Variants in ADAP1 observed in about 807,000 individuals in gnomAD.
ADAP1 encodes ArfGAP with dual PH domains 1.
ADAP1 carries 31 observed loss-of-function variants against 54.9 expected under a neutral mutation model. That is an observed-to-expected ratio of 0.56 (90% confidence interval 0.42 to 0.76). The LOEUF is 0.76. ADAP1 is among the 30% of genes least tolerant of loss of function. The probability of loss-of-function intolerance (pLI) is 0.00; values close to 1 mark genes in which losing one functional copy is unlikely to be tolerated. For synonymous variants in ADAP1, 313 were observed against 202.6 expected (o/e 1.55, Z -4.63); for missense variants, 535 against 512.4 (o/e 1.04, Z -0.42).
chr7:917,785 G>C (rs1475321117), intron 4 of ADAP1, among the ~76,000 whole-genome samples: 4 of 151,288 alleles, frequency 2.6e-5, no homozygotes, highest in East Asian at 1.9e-4. Flanking sequence ...CTTTTTTCTT[G>C]TTACAGACAC....
At chr7:939,418 C>G (rs183657450) in intron 1 of ADAP1, among the ~76,000 whole-genome samples, 2,238 of 151,978 alleles carry the variant, frequency 0.015, 51 homozygotes, top group African/African-American at 0.051. Context: ...GTGGTTTCAC[C>G]ATGTTGGCCA....
chr7:935,677 C>G (rs553740438), intron 1 of ADAP1, among the ~76,000 whole-genome samples, 172 bp from the exon 2 acceptor site: 2 of 151,628 alleles, frequency 1.3e-5, no homozygotes. Context: ...CAGCTCCCCC[C>G]CCGCCCTCTG....
At position 920,856 on chromosome 7, in the gene ADAP1, G is replaced by A. The variant is rs1449909433; in HGVS notation, c.306-806C>T. 4 of 1,550,042 alleles carry A rather than the reference G, an allele frequency of 2.6e-6. No homozygotes were observed. The Admixed American group carries it at 5.9e-5, about 23-fold the overall frequency. On this transcript the variant is annotated intron_variant, in intron 3 of 10. Coordinates refer to ENST00000265846, the MANE Select transcript of ADAP1 (RefSeq NM_006869.4). This position sits in a 1 kb window ranked among gnomAD's most constrained non-coding sequence, Gnocchi z 4.5. ...CCGGCACGGCCCAGGTGCACAGGCA[G>A]CCGCCCCAGCCTTTTCCACTCCCAG...
At chr7:907,899 G>A (rs1562916811) in intron 4 of ADAP1, among the ~76,000 whole-genome samples, 1 of 151,796 alleles carries the variant, frequency 6.6e-6, no homozygotes, top group African/African-American at 2.4e-5. Flanking sequence ...TCGCGGGGCC[G>A]TCTGCCGAGG....
At chr7:909,084 T>C (rs1417356046) in intron 4 of ADAP1, among the ~76,000 whole-genome samples, 1 of 152,020 alleles carries the variant, frequency 6.6e-6, no homozygotes, top group Non-Finnish European at 1.5e-5. Flanking sequence ...GCGCAGCTGC[T>C]CCGGTGTTCT....
Position 900,528 on chromosome 7 carries a change from C to T in ADAP1, c.732+5G>A, listed in dbSNP as rs1343518870. ...CCTGGAGCTGACCGCAGGGCCGCCA[C>T]TCACATCTGCGTCGCCGGCCCCTGG... is the stretch of plus-strand genomic sequence containing the variant. On this transcript the variant is annotated splice_donor_5th_base_variant and intron_variant, in intron 7 of 10. Transcript: ENST00000265846. 1 of 1,604,498 alleles carries T rather than the reference C, an allele frequency of 6.2e-7. No individual in the cohort carries two copies.
chr7:905,008 C>A, intron 5 of ADAP1, 52 bp downstream of exon 5: 2 of 1,531,684 alleles, frequency 1.3e-6, no homozygotes, highest in Non-Finnish European at 1.8e-6. Flanking sequence ...GTGTGGGAGG[C>A]CGGGATGCCG....
At chr7:906,907 C>G (rs570654276) in intron 4 of ADAP1, among the ~76,000 whole-genome samples, 39 of 142,870 alleles carry the variant, frequency 2.7e-4, no homozygotes, top group Admixed American at 2.6e-3. Flanking sequence ...AGCCTGAGGA[C>G]GGCCTGGATG....
chr7:902,954 C>T (rs867179464), intron 6 of ADAP1, among the ~76,000 whole-genome samples: 2 of 152,170 alleles, frequency 1.3e-5, no homozygotes, highest in South Asian at 4.1e-4. Flanking sequence ...GTCCAAGGTG[C>T]CAGGTGACCC....
chr7:904,114 G>C lies in ADAP1; in HGVS notation c.648+12C>G. The C allele has an allele frequency of 6.2e-7, 1 of 1,611,370 alleles. No homozygotes were observed. Among genetic ancestry groups the C allele is most frequent in the Non-Finnish European group, 8.5e-7 (1 of 1,179,532 alleles). Reference sequence around the variant, plus strand: ...CTGTGCCACCCGGGCCCGAGTGCTCGCCAGCACCCACCTTCCCGTCCTCAT... The same window carrying C: ...CTGTGCCACCCGGGCCCGAGTGCTCCCCAGCACCCACCTTCCCGTCCTCAT... On this transcript the variant is annotated intron_variant, in intron 6 of 10. Transcript: ENST00000265846.
chr7:930,130 C>G (rs1011321882), intron 2 of ADAP1, among the ~76,000 whole-genome samples: 9 of 145,172 alleles, frequency 6.2e-5, no homozygotes, highest in African/African-American at 2.3e-4. Context: ...AAAAAAAACC[C>G]TCAGGCAGAG....
chr7:906,659 G>GAGAA (rs1554272375), intron 4 of ADAP1, among the ~76,000 whole-genome samples: 6 of 71,964 alleles, frequency 8.3e-5, no homozygotes, highest in Admixed American at 3.9e-4. Context: ...GAGAAAGGGG[G>GAGAA]CGGGAAAGGG....
intron 5 of ADAP1, 99 bp from the exon 6 acceptor site, chr7:904,371 G>C (rs1844985295): frequency 2.8e-6 from 4 of 1,444,692 alleles, no homozygotes; most frequent in Non-Finnish European, 2.8e-6. Context: ...CGCACCTGCT[G>C]TGCTGTGTGG....
intron 4 of ADAP1, among the ~76,000 whole-genome samples, chr7:916,147 G>A (rs1273600968): frequency 2.6e-5 from 4 of 152,192 alleles, no homozygotes; most frequent in South Asian, 4.1e-4. Flanking sequence ...ACTTTTTCCA[G>A]CACTTCTGTG....
chr7:904,243 G>T lies in ADAP1; in HGVS notation c.531C>A (p.Ile177=), dbSNP rs145071792. 6.8e-6 allele frequency: 11 copies of T among 1,607,126 alleles called. No individual in the cohort carries two copies. Among genetic ancestry groups the T allele is most frequent in the East Asian group, 2.2e-5 (1 of 44,672 alleles). ...DAKEPKAVMK[I]EHLNATFQPA... ...GCTGGAAGGTGGCGTTCAGGTGCTC[G>T]ATCTTCATCACGGCCTTGGGCTCCT... Residue 177 remains isoleucine (I), a synonymous_variant, in exon 6 of 11, where the codon ATC becomes ATA. Transcript: ENST00000265846.
intron 5 of ADAP1, 145 bp from the exon 6 acceptor site, chr7:904,417 C>A: frequency 9.7e-7 from 1 of 1,033,528 alleles, no homozygotes; most frequent in Non-Finnish European, 1.4e-6. Context: ...TGAGCCTTGG[C>A]CTCCCGGTCT....
At chr7:902,475 A>AAAATGCCTGG (rs1491159593) in intron 6 of ADAP1, among the ~76,000 whole-genome samples, 28 of 142,340 alleles carry the variant, frequency 2.0e-4, no homozygotes, top group Non-Finnish European at 2.6e-4. Context: ...AAAAAAAGAA[A>AAAATGCCTGG]GAAAAGAAAG....
chr7:904,354 C>G (rs1198162083), intron 5 of ADAP1, 82 bp from the exon 6 acceptor site: 1 of 1,495,824 alleles, frequency 6.7e-7, no homozygotes, highest in Admixed American at 2.2e-5. Flanking sequence ...CCTGTGGGTG[C>G]TGGCGGCGCA....
intron 4 of ADAP1, among the ~76,000 whole-genome samples, chr7:909,101 C>CCTCCCGACAG (rs1845600442): frequency 6.6e-6 from 1 of 152,166 alleles, no homozygotes; most frequent in Non-Finnish European, 1.5e-5. Context: ...TTCTCGGGGT[C>CCTCCCGACAG]CAGACGCCAG....
Sources: gnomAD v4.1 joint callset for allele counts (sites outside exome capture counted in the v4.1 genomes callset) on GRCh38, gnomAD v4.1.1 for gene constraint, Gnocchi (gnomAD v3.1) non-coding constraint, MANE v1.5 for transcripts, NCBI Gene and HGNC (gene_info 2026-07-23, HGNC 2026-07-21) for gene names.